CYP2S1: variants seen among roughly 807,000 people sequenced by gnomAD.
The protein encoded by CYP2S1 is cytochrome P450 2S1.
CYP2S1 carries 32 observed loss-of-function variants against 43.5 expected under a neutral mutation model. The ratio of observed to expected loss-of-function variants is 0.74; its 90% confidence interval spans 0.56 to 0.99. The LOEUF is 0.99. Among genes scored for constraint, CYP2S1 ranks in the 50% least tolerant of loss-of-function variants. The pLI is 0.00. For missense variants in CYP2S1, 575 were observed against 673.9 expected (o/e 0.85, Z 1.62); for synonymous variants, 283 against 302.9 (o/e 0.93, Z 0.68).
chr19:41,207,115 C>T lies in CYP2S1; in HGVS notation c.*627C>T, dbSNP rs190828260. On this transcript the variant is annotated 3_prime_UTR_variant, in exon 9 of 9. Transcript: ENST00000310054. ...GTCCTGGCTCCCCAGAGTATCTTCC[C>T]ACTGAGACACGCCGCCCCCACAGAG... The T allele has an allele frequency of 3.1e-4, 95 of 309,804 alleles. No individual in the cohort carries two copies. The highest frequency in any genetic ancestry group is 1.9e-3 in the African/African-American group (86 of 46,284). 19.2% of individuals were successfully genotyped at this position (309,804 alleles called of 1,614,324 possible).
rs186934837 is a variant in CYP2S1 at position 41,194,736 on chromosome 19, G to A, written c.343+27G>A. The A allele has an allele frequency of 1.4e-5, 22 of 1,588,948 alleles. No individual in the cohort carries two copies. In the Admixed American group the frequency reaches 2.3e-4, roughly 16 times the overall value. ...TAAGTCAAGGGCTGCTAGGCCCTCC[G>A]CTCACAGCCTGCCACCACTTACTGG... On this transcript the variant is annotated intron_variant, in intron 2 of 8. Coordinates refer to ENST00000310054, the MANE Select transcript of CYP2S1 (RefSeq NM_030622.8).
intron 5 of CYP2S1, among the ~76,000 whole-genome samples, chr19:41,200,396 G>A (rs533928046): frequency 3.3e-5 from 5 of 150,826 alleles, no homozygotes; most frequent in South Asian, 4.2e-4. Flanking sequence ...TTTTTGAGAT[G>A]AAGTCTCACT....
intron 6 of CYP2S1, among the ~76,000 whole-genome samples, 193 bp from the exon 7 acceptor site, chr19:41,203,257 A>AAG (rs909370393): frequency 3.9e-5 from 6 of 152,050 alleles, no homozygotes; most frequent in African/African-American, 1.4e-4. Context: ...AAAATAAAAT[A>AAG]AGAGAGAGAG....
intron 2 of CYP2S1, among the ~76,000 whole-genome samples, chr19:41,196,964 G>C (rs1223055610): frequency 6.6e-6 from 1 of 152,166 alleles, no homozygotes; most frequent in Admixed American, 6.5e-5. Context: ...GGGAGGCTGA[G>C]GTGGGTGGAT....
chr19:41,196,617 C>T (rs1407036441), intron 2 of CYP2S1, among the ~76,000 whole-genome samples: 1 of 151,876 alleles, frequency 6.6e-6, no homozygotes, highest in Non-Finnish European at 1.5e-5. Flanking sequence ...TGGGCTGAAA[C>T]AGGGAGAGGA....
intron 6 of CYP2S1, 76 bp from the exon 7 acceptor site, chr19:41,203,374 G>A: frequency 6.9e-7 from 1 of 1,445,148 alleles, no homozygotes; most frequent in Middle Eastern, 2.2e-4. Flanking sequence ...CTACAGCTAT[G>A]CAAGCAGATG....
Position 41,207,139 on chromosome 19 carries a change from A to G in CYP2S1, c.*651A>G. ...CCACTGAGACACGCCGCCCCCACAG[A>G]GGCACAGTCCCCAGCCACCTCTGCA... On this transcript the variant is annotated 3_prime_UTR_variant, in exon 9 of 9. Transcript: ENST00000310054. 1 of 298,124 alleles carries G rather than the reference A, an allele frequency of 3.4e-6. No individual in the cohort carries two copies. The highest frequency in any genetic ancestry group is 3.2e-5 in the South Asian group (1 of 30,844). The allele number at this position is 298,124 out of a possible 1,614,324, so 18.5% of individuals were successfully genotyped here. A position where few individuals can be genotyped will look rare whatever the true frequency, so the allele number is the denominator to read the frequency against.
At chr19:41,195,858 G>A (rs1288951193) in intron 2 of CYP2S1, among the ~76,000 whole-genome samples, 1 of 151,906 alleles carries the variant, frequency 6.6e-6, no homozygotes, top group Non-Finnish European at 1.5e-5. Context: ...GACAAGCCTG[G>A]GCAACATGGT....
intron 6 of CYP2S1, among the ~76,000 whole-genome samples, chr19:41,203,187 G>A (rs765890577): frequency 3.3e-5 from 5 of 151,352 alleles, no homozygotes; most frequent in Non-Finnish European, 7.4e-5. Flanking sequence ...ACTCCAGCCT[G>A]GGCAACAAGA....
chr19:41,207,410 T>G lies in CYP2S1; in HGVS notation c.*922T>G, dbSNP rs959560396. 2 of 157,278 alleles carry G rather than the reference T, an allele frequency of 1.3e-5. No individual in the cohort carries two copies. Among genetic ancestry groups the G allele is most frequent in the African/African-American group, 4.8e-5 (2 of 41,444 alleles). The allele number at this position is 157,278 out of a possible 1,614,324, so 9.7% of individuals were successfully genotyped here. A position where few individuals can be genotyped will look rare whatever the true frequency, so the allele number is the denominator to read the frequency against. ...GCGTCAGAGTCCCCACTAGACCCAG[T>G]GGAAGGGGTTAGAGACCAAGTAGGG... is the stretch of plus-strand genomic sequence containing the variant. On this transcript the variant is annotated 3_prime_UTR_variant, in exon 9 of 9. Coordinates refer to ENST00000310054, the MANE Select transcript of CYP2S1 (RefSeq NM_030622.8).
chr19:41,204,592 CTTTTTTTTTTTTT>C (rs553640679), intron 7 of CYP2S1, among the ~76,000 whole-genome samples: 2 of 109,046 alleles, frequency 1.8e-5, no homozygotes, highest in African/African-American at 7.8e-5. Flanking sequence ...TCTTCTTCTT[CTTTTTTTTTTTTT>C]TTTTTTTTCC....
chr19:41,196,310 A>T lies in CYP2S1; in HGVS notation c.344-1469A>T, dbSNP rs188564902. Among the ~76,000 whole-genome samples, 18 of 152,284 alleles carry T rather than the reference A, an allele frequency of 1.2e-4. No individual in the cohort carries two copies. In the East Asian group the frequency reaches 3.5e-3, roughly 29 times the overall value. ...AGTGGGTTAAGTAACAAAGCTGAGA[A>T]GCCAGGGAAATCCCTGGTCATGCAG... On this transcript the variant is annotated intron_variant, in intron 2 of 8. Transcript: ENST00000310054.
rs1478530299 is a variant in CYP2S1, at chr19:41,206,531, C to T, written c.*43C>T. Reference sequence around the variant, plus strand: ...GTGGTGGGTGCCCAGGACGGTGCCTCCAGCCTCAACAGTGGGCATGGACAG... The same window carrying T: ...GTGGTGGGTGCCCAGGACGGTGCCTTCAGCCTCAACAGTGGGCATGGACAG... On this transcript the variant is annotated 3_prime_UTR_variant, in exon 9 of 9. Transcript: ENST00000310054. 18 of 1,608,500 alleles carry T rather than the reference C, an allele frequency of 1.1e-5. No homozygotes were observed. The East Asian group carries it at 1.6e-4, about 14-fold the overall frequency.
At chr19:41,203,381 G>A in intron 6 of CYP2S1, 69 bp from the exon 7 acceptor site, 1 of 1,463,304 alleles carries the variant, frequency 6.8e-7, no homozygotes, top group Non-Finnish European at 9.1e-7. Context: ...TATGCAAGCA[G>A]ATGGGCTTCT....
In CYP2S1 at chr19:41,198,493, C is replaced by T; in HGVS notation, c.525C>T (p.Ala175=). Residue 175 remains alanine (A), a synonymous_variant, in exon 4 of 9, where the codon GCC becomes GCT. Transcript: ENST00000310054. This position sits in a 1 kb window ranked among gnomAD's most constrained non-coding sequence, Gnocchi z 4.9. ...CATTCGATCCCTCCCTGCTGCTGGC[C>T]CAGGCCACCTCCAACGTAGTCTGCT... ...GRPFDPSLLL[A]QATSNVVCSL... The T allele has an allele frequency of 6.2e-7, 1 of 1,614,118 alleles. No individual in the cohort carries two copies.
At chr19:41,194,523 T>A in intron 1 of CYP2S1, 21 bp from the exon 2 acceptor site, 1 of 1,556,522 alleles carries the variant, frequency 6.4e-7, no homozygotes, top group Non-Finnish European at 8.7e-7. Context: ...CACCCTCCTC[T>A]TTCTTCCTCC....
At chr19:41,205,398 TTCTCTCTTTCTTTCTTTCTTTCTCTC>T (rs1210818897) in intron 7 of CYP2S1, among the ~76,000 whole-genome samples, 3 of 78,000 alleles carry the variant, frequency 3.8e-5, no homozygotes, top group Non-Finnish European at 7.8e-5. Context: ...CTCTCTTTCT[TTCTCTCTTTCTTTCTTTCTTTCTCTC>T]TCTCTCTCTT....
At chr19:41,196,103 C>A (rs183622352) in intron 2 of CYP2S1, among the ~76,000 whole-genome samples, 31 of 152,068 alleles carry the variant, frequency 2.0e-4, no homozygotes, top group Middle Eastern at 3.4e-3. Context: ...AAGAGGGAAT[C>A]AGGGAAGGCT....
intron 5 of CYP2S1, among the ~76,000 whole-genome samples, chr19:41,199,262 T>C (rs1198585433): frequency 6.6e-6 from 1 of 152,176 alleles, no homozygotes; most frequent in Admixed American, 6.5e-5. Context: ...CAGACTTTTA[T>C]GTAAATTCAC....
Sources: gnomAD v4.1 joint callset for allele counts (sites outside exome capture counted in the v4.1 genomes callset) on GRCh38, gnomAD v4.1.1 for gene constraint, Gnocchi (gnomAD v3.1) non-coding constraint, MANE v1.5 for transcripts, NCBI Gene and HGNC (gene_info 2026-07-23, HGNC 2026-07-21) for gene names.